CEP41: variants seen among roughly 807,000 people sequenced by gnomAD.
CEP41 encodes the protein centrosomal protein of 41 kDa.
In CEP41, 32 loss-of-function variants were observed where a neutral mutation model predicts 44.3. The ratio of observed to expected loss-of-function variants is 0.72; its 90% CI spans 0.54 to 0.97. The LOEUF (loss-of-function observed/expected upper bound fraction) is 0.97. Ranked by LOEUF, CEP41 falls within the 50% of genes least tolerant of loss-of-function variation. The probability of loss-of-function intolerance (pLI) is 0.00; values close to 1 mark genes in which losing one functional copy is unlikely to be tolerated. For synonymous variants in CEP41, 151 were observed against 168.5 expected, an observed-to-expected ratio of 0.90 and a Z score of 0.80; for missense variants, 432 against 455.2, an observed-to-expected ratio of 0.95 and a Z score of 0.46.
chr7:130,395,399 G>T lies in CEP41; in HGVS notation c.*3492C>A. The T allele has an allele frequency of 2.2e-6, 1 of 454,096 alleles. No homozygotes were observed. Among genetic ancestry groups the T allele is most frequent in the Non-Finnish European group, 4.4e-6 (1 of 226,776 alleles). 28.1% of individuals were successfully genotyped at this position (454,096 alleles called of 1,614,324 possible). Reference sequence around the variant, plus strand: ...TATCGTGGGAGTTAAATCTTTGAAAGAATTGGGAAGAAAATAAACACACAT... The same window carrying T: ...TATCGTGGGAGTTAAATCTTTGAAATAATTGGGAAGAAAATAAACACACAT... On this transcript the variant is annotated 3_prime_UTR_variant, in exon 11 of 11. Transcript: ENST00000223208.
chr7:130,424,375 G>A (rs910692822), intron 2 of CEP41, among the ~76,000 whole-genome samples: 1 of 150,994 alleles, frequency 6.6e-6, no homozygotes, highest in Non-Finnish European at 1.5e-5. Context: ...ACTCCAGCCT[G>A]GACTACAGAG....
At chr7:130,419,524 C>T in intron 2 of CEP41, 1 of 984,730 alleles carries the variant, frequency 1.0e-6, no homozygotes, top group East Asian at 1.1e-4. Flanking sequence ...TATTTATAAA[C>T]ATGGCTTTGT....
intron 1 of CEP41, among the ~76,000 whole-genome samples, chr7:130,436,191 C>T (rs74626073): frequency 0.012 from 1,854 of 151,826 alleles, 45 homozygotes; most frequent in African/African-American, 0.042. Flanking sequence ...AACTGCTGTA[C>T]ATTCATACCA....
rs782065294 is a variant in CEP41, at chr7:130,394,664, G to A, written c.*4227C>T. Reference sequence around the variant, plus strand: ...ATACACAAGGGGGACAGAAGATAACGAGCTTTCTGGGTCTCCAGAATGACA... The same window carrying A: ...ATACACAAGGGGGACAGAAGATAACAAGCTTTCTGGGTCTCCAGAATGACA... On this transcript the variant is annotated 3_prime_UTR_variant, in exon 11 of 11. Transcript: ENST00000223208. The A allele has an allele frequency of 9.0e-5, 41 of 453,916 alleles. 1 individual carries two copies. Among genetic ancestry groups the A allele is most frequent in the Non-Finnish European group, 1.5e-4 (33 of 226,766 alleles). 28.1% of individuals were successfully genotyped at this position (453,916 alleles called of 1,614,324 possible).
At position 130,396,465 on chromosome 7, in the gene CEP41, C is replaced by T. The variant is rs1236281210; in HGVS notation, c.*2426G>A. The T allele has an allele frequency of 6.6e-6, 3 of 454,332 alleles. No individual in the cohort carries two copies. The East Asian group carries it at 2.1e-4, about 32-fold the overall frequency. 28.1% of individuals were successfully genotyped at this position (454,332 alleles called of 1,614,324 possible). On this transcript the variant is annotated 3_prime_UTR_variant, in exon 11 of 11. Transcript: ENST00000223208. ...AATCACACCAGTCTCCTGTGGCTCCCCCAAATCATCTCGACAGAAAAGAAG... is the reference window on the plus strand; with the variant it reads ...AATCACACCAGTCTCCTGTGGCTCCTCCAAATCATCTCGACAGAAAAGAAG...
chr7:130,398,775 A>T lies in CEP41; in HGVS notation c.*116T>A. The T allele has an allele frequency of 8.1e-7, 1 of 1,236,896 alleles. No homozygotes were observed. Among genetic ancestry groups the T allele is most frequent in the Non-Finnish European group, 1.2e-6 (1 of 845,306 alleles). The allele number at this position is 1,236,896 out of a possible 1,614,324, so 76.6% of individuals were successfully genotyped here. ...CAGGGACAGGGAAGAGGCCTATCCCATACATATGTCATGGTCTTTCCTCTG... is the reference window on the plus strand; with the variant it reads ...CAGGGACAGGGAAGAGGCCTATCCCTTACATATGTCATGGTCTTTCCTCTG... On this transcript the variant is annotated 3_prime_UTR_variant, in exon 11 of 11. Transcript: ENST00000223208.
At chr7:130,417,414 G>T (rs1009410641) in intron 2 of CEP41, 2 of 955,558 alleles carry the variant, frequency 2.1e-6, no homozygotes, top group Admixed American at 5.0e-5. Context: ...CTCTCCTCTC[G>T]GCTTTGTCTT....
intron 2 of CEP41, chr7:130,420,811 T>G: frequency 1.5e-6 from 1 of 679,772 alleles, no homozygotes; most frequent in African/African-American, 1.9e-5. Flanking sequence ...AATACACATT[T>G]GCTGAATGAA....
chr7:130,438,328 C>G (rs1303744447), intron 1 of CEP41, among the ~76,000 whole-genome samples: 1 of 152,138 alleles, frequency 6.6e-6, no homozygotes, highest in African/African-American at 2.4e-5. Context: ...GAGGCCAAGG[C>G]AGGCGGGTGG....
intron 6 of CEP41, among the ~76,000 whole-genome samples, chr7:130,404,056 C>G (rs1796933749): frequency 6.6e-6 from 1 of 152,090 alleles, no homozygotes; most frequent in South Asian, 2.1e-4. Context: ...AATAAGGAGG[C>G]CCATGCCTTA....
chr7:130,397,481 C>T lies in CEP41; in HGVS notation c.*1410G>A. On this transcript the variant is annotated 3_prime_UTR_variant, in exon 11 of 11. Transcript: ENST00000223208. ...CGTTTATTTCTCATACAAACACAGC[C>T]CCCATGCTAGAAATACTGTGGTGCA... is the stretch of plus-strand genomic sequence containing the variant. The T allele has an allele frequency of 4.6e-6, 2 of 431,340 alleles. No homozygotes were observed. The highest frequency in any genetic ancestry group is 9.1e-6 in the Non-Finnish European group (2 of 220,940). 26.7% of individuals were successfully genotyped at this position (431,340 alleles called of 1,614,324 possible). A position where few individuals can be genotyped will look rare whatever the true frequency, so the allele number is the denominator to read the frequency against.
At chr7:130,404,485 A>G in intron 6 of CEP41, 79 bp downstream of exon 6, 1 of 1,239,290 alleles carries the variant, frequency 8.1e-7, no homozygotes, top group Non-Finnish European at 1.2e-6. Flanking sequence ...AAGGCAAGAA[A>G]AAAAAAAGAT....
chr7:130,427,173 C>T (rs1228834429), intron 2 of CEP41, among the ~76,000 whole-genome samples: 1 of 152,144 alleles, frequency 6.6e-6, no homozygotes, highest in East Asian at 1.9e-4. Context: ...CTTGAGGTTA[C>T]TAGTGGGAAA....
chr7:130,399,064 C>T, intron 10 of CEP41, 25 bp from the exon 11 acceptor site: 3 of 1,612,838 alleles, frequency 1.9e-6, no homozygotes, highest in East Asian at 2.2e-5. Context: ...AAAGAAGGAA[C>T]AGAGCTGCAA....
Position 130,395,023 on chromosome 7 carries a change from G to A in CEP41, c.*3868C>T. On this transcript the variant is annotated 3_prime_UTR_variant, in exon 11 of 11. Coordinates refer to ENST00000223208, the MANE Select transcript of CEP41 (RefSeq NM_018718.3). Reference sequence around the variant, plus strand: ...AGGGGAGCCATCAGGGGATCACAATGTGACAGACACCGTTTCGAAAACACA... The same window carrying A: ...AGGGGAGCCATCAGGGGATCACAATATGACAGACACCGTTTCGAAAACACA... 2.2e-6 allele frequency: 1 copy of A among 454,086 alleles called. No homozygotes were observed. Among genetic ancestry groups the A allele is most frequent in the South Asian group, 1.6e-5 (1 of 64,472 alleles). 28.1% of individuals were successfully genotyped at this position (454,086 alleles called of 1,614,324 possible).
At chr7:130,406,657 G>C (rs1797019418) in intron 5 of CEP41, among the ~76,000 whole-genome samples, 1 of 152,096 alleles carries the variant, frequency 6.6e-6, no homozygotes, top group African/African-American at 2.4e-5. Flanking sequence ...TTTTGCATAT[G>C]ATATGATAAC....
intron 5 of CEP41, among the ~76,000 whole-genome samples, chr7:130,408,243 T>C (rs782804836): frequency 3.9e-5 from 6 of 152,236 alleles, no homozygotes; most frequent in Non-Finnish European, 7.3e-5. Flanking sequence ...TTTTATACTT[T>C]GGGTTTTTGT....
At position 130,400,121 on chromosome 7, in the gene CEP41, C is replaced by T. The variant is rs1554416473; in HGVS notation, c.891G>A (p.Glu297=). ...SSPKGPPLPA[E]NKWRFTPEDL... ...CTTCTGGGGTAAATCTCCATTTATT[C>T]TCAGCTGGTAGGGGTGGCCCTTTGG... is the stretch of plus-strand genomic sequence containing the variant. Residue 297 remains glutamate, a synonymous_variant, in exon 10 of 11, where the codon GAG becomes GAA. Transcript: ENST00000223208. 2.5e-6 allele frequency: 4 copies of T among 1,613,860 alleles called. No individual in the cohort carries two copies. Among genetic ancestry groups the T allele is most frequent in the Non-Finnish European group, 3.4e-6 (4 of 1,179,936 alleles).
rs998886600 is a variant in CEP41, at chr7:130,394,066, C to A, written c.*4825G>T. 4.4e-6 allele frequency: 2 copies of A among 454,006 alleles called. No homozygotes were observed. The highest frequency in any genetic ancestry group is 1.4e-4 in the East Asian group (2 of 14,380). 28.1% of individuals were successfully genotyped at this position (454,006 alleles called of 1,614,324 possible). On this transcript the variant is annotated 3_prime_UTR_variant, in exon 11 of 11. Coordinates refer to ENST00000223208, the MANE Select transcript of CEP41 (RefSeq NM_018718.3). The stretch of plus-strand genomic sequence containing the variant: ...AGCGGAGGAAAGTTTTCAAAAGAAT[C>A]TCGGCTGACTAGGAGGGAAGGGAAG...
Sources: allele counts gnomAD v4.1 joint callset (sites outside exome capture counted in the v4.1 genomes callset), GRCh38; gene constraint gnomAD v4.1.1; transcripts MANE v1.5; gene names NCBI Gene and HGNC (gene_info 2026-07-23, HGNC 2026-07-21).